ADAMTS9: variants seen among roughly 807,000 people sequenced by gnomAD.
The protein encoded by ADAMTS9 is A disintegrin and metalloproteinase with thrombospondin motifs 9.
In ADAMTS9, 107 loss-of-function variants were observed where a neutral mutation model predicts 257.1. The ratio of observed to expected loss-of-function variants is 0.42; its 90% CI spans 0.36 to 0.49. The LOEUF (loss-of-function observed/expected upper bound fraction) is 0.49, where lower values mean the gene tolerates loss of function less well. Among genes scored for constraint, ADAMTS9 ranks in the 20% least tolerant of loss-of-function variants. ADAMTS9 has a pLI of 0.03. For missense variants in ADAMTS9, 2,353 were observed against 2,469.1 expected (o/e 0.95, Z 1.00); for synonymous variants, 982 against 880.9 (o/e 1.11, Z -2.03).
intron 26 of ADAMTS9, among the ~76,000 whole-genome samples, chr3:64,601,377 G>A (rs1238798421): frequency 6.6e-6 from 1 of 152,136 alleles, no homozygotes; most frequent in Non-Finnish European, 1.5e-5. Context: ...GTAAGTCATT[G>A]GATCAAACCT....
chr3:64,637,075 T>A (rs1042338091), intron 12 of ADAMTS9, among the ~76,000 whole-genome samples: 11 of 152,180 alleles, frequency 7.2e-5, no homozygotes, highest in African/African-American at 2.7e-4. Flanking sequence ...TGCTTTTATG[T>A]AAAGGCAGGT....
intron 3 of ADAMTS9, among the ~76,000 whole-genome samples, chr3:64,660,962 A>T (rs1175826672): frequency 6.6e-6 from 1 of 152,186 alleles, no homozygotes; most frequent in Non-Finnish European, 1.5e-5. Context: ...TACAGTGCGC[A>T]ATCAGTTTAT....
chr3:64,616,657 T>G (rs1282933964), intron 19 of ADAMTS9, among the ~76,000 whole-genome samples: 1 of 152,210 alleles, frequency 6.6e-6, no homozygotes, highest in African/African-American at 2.4e-5. Flanking sequence ...AGGTATTCAG[T>G]GTGTGCTGGC....
At position 64,615,504 on chromosome 3, in the gene ADAMTS9, T is replaced by C. The variant is rs891078422; in HGVS notation, c.3025-19A>G. On this transcript the variant is annotated intron_variant, in intron 20 of 39. Coordinates refer to ENST00000498707, the MANE Select transcript of ADAMTS9 (RefSeq NM_182920.2). The stretch of plus-strand genomic sequence containing the variant: ...TTGAACACTGTAGGGACAAAATAAA[T>C]AAATAAAACTGTTGCTAAGTTTCTT... 6.3e-7 allele frequency: 1 copy of C among 1,589,086 alleles called. No individual in the cohort carries two copies. Among genetic ancestry groups the C allele is most frequent in the Non-Finnish European group, 8.5e-7 (1 of 1,170,374 alleles).
chr3:64,618,303 T>C (rs1700016096), intron 19 of ADAMTS9, among the ~76,000 whole-genome samples: 1 of 152,226 alleles, frequency 6.6e-6, no homozygotes, highest in African/African-American at 2.4e-5. Context: ...CATTGGCCTA[T>C]GATCTGACGT....
intron 16 of ADAMTS9, among the ~76,000 whole-genome samples, chr3:64,629,783 ATAAG>A (rs1335681493): frequency 6.6e-6 from 1 of 152,216 alleles, no homozygotes; most frequent in Non-Finnish European, 1.5e-5. Context: ...CACATATTAA[ATAAG>A]TGAGTGAGTG....
chr3:64,652,288 T>C (rs554105083), intron 8 of ADAMTS9, among the ~76,000 whole-genome samples: 1 of 152,330 alleles, frequency 6.6e-6, no homozygotes, highest in African/African-American at 2.4e-5. Context: ...TTTTCCCTTT[T>C]TCTTTAAAGT....
In ADAMTS9 at chr3:64,681,236, T is replaced by C. The variant is rs1417433718; in HGVS notation, c.644A>G (p.Glu215Gly). Residue 215 changes from glutamate (E) to glycine (G), a missense_variant, in exon 3 of 40, where the codon GAG (glutamate) becomes GGG (glycine). Transcript: ENST00000498707. ...IIYRRSAPQR[E>G]PSTGRHACDT... The stretch of plus-strand genomic sequence containing the variant: ...ACATGCATGCCTTCCTGTTGAGGGC[T>C]CTCTCTGGGGGGCGCTGCGCCTATA... 1.2e-6 allele frequency: 2 copies of C among 1,613,700 alleles called. No homozygotes were observed. The highest frequency in any genetic ancestry group is 1.1e-5 in the South Asian group (1 of 90,976).
At chr3:64,615,928 C>A in intron 20 of ADAMTS9, 32 bp downstream of exon 20, 1 of 1,611,272 alleles carries the variant, frequency 6.2e-7, no homozygotes, top group Non-Finnish European at 8.5e-7. Flanking sequence ...AGACAGCATC[C>A]AAGAAGACTC....
chr3:64,570,350 G>T (rs1378038075), intron 28 of ADAMTS9, among the ~76,000 whole-genome samples: 1 of 152,160 alleles, frequency 6.6e-6, no homozygotes, highest in Non-Finnish European at 1.5e-5. Flanking sequence ...GGCTGGAATG[G>T]TTGGAAGAGG....
chr3:64,669,528 A>C (rs951224857), intron 3 of ADAMTS9, among the ~76,000 whole-genome samples: 1 of 152,204 alleles, frequency 6.6e-6, no homozygotes, highest in African/African-American at 2.4e-5. Context: ...CTGGAATAGA[A>C]GTTCTCTCTA....
At chr3:64,639,721 T>C (rs183785805) in intron 12 of ADAMTS9, among the ~76,000 whole-genome samples, 107 of 152,310 alleles carry the variant, frequency 7.0e-4, no homozygotes, top group African/African-American at 2.4e-3. Flanking sequence ...CAAATAGTTT[T>C]TAATATGTAA....
At chr3:64,639,505 T>C (rs1376378833) in intron 12 of ADAMTS9, among the ~76,000 whole-genome samples, 2 of 151,932 alleles carry the variant, frequency 1.3e-5, no homozygotes, top group South Asian at 4.2e-4. Flanking sequence ...ACGGAGTGAT[T>C]TATCTCTCTC....
chr3:64,650,933 C>A, intron 9 of ADAMTS9, 84 bp downstream of exon 9: 4 of 1,237,180 alleles, frequency 3.2e-6, no homozygotes, highest in Non-Finnish European at 4.4e-6. Context: ...GAATGTTTGA[C>A]TTCATATTGT....
In ADAMTS9 at chr3:64,594,269, G is replaced by T. The variant is rs1019640310; in HGVS notation, c.4345C>A (p.Pro1449Thr). The change falls in exon 28 of 40, where the codon CCT (proline) becomes ACT (threonine). Residue 1449 changes from proline (P) to threonine (T), a missense_variant. Physicochemically the swap from Pro to Thr is conservative, Grantham distance 38. Coordinates refer to ENST00000498707, the MANE Select transcript of ADAMTS9 (RefSeq NM_182920.2). ...AGTTAGGGCCGTACCGAGCTCCAAG[G>T]GCCAGTACTCCATGCAGCGTCGTGT... The part of the protein sequence containing the change: ...CPHDAAWSTG[P>T]WSSCSVSCGR... 2 of 1,613,694 alleles carry T rather than the reference G, an allele frequency of 1.2e-6. No individual in the cohort carries two copies. Among genetic ancestry groups the T allele is most frequent in the East Asian group, 4.5e-5 (2 of 44,848 alleles).
rs1056282526 is a variant in ADAMTS9 at position 64,551,178 on chromosome 3, G to A, written c.4699-116C>T. On this transcript the variant is annotated intron_variant, in intron 30 of 39. Coordinates refer to ENST00000498707, the MANE Select transcript of ADAMTS9 (RefSeq NM_182920.2). ...AGATCATAAGAGCCCTGAGGGCAGG[G>A]ATTGCCAGAGAACTTCTCGTTTTTT... is the stretch of plus-strand genomic sequence containing the variant. 1.5e-5 allele frequency: 18 copies of A among 1,189,840 alleles called. No homozygotes were observed. In the Admixed American group the frequency reaches 2.5e-4, roughly 17 times the overall value. 73.7% of individuals were successfully genotyped at this position (1,189,840 alleles called of 1,614,324 possible).
intron 4 of ADAMTS9, among the ~76,000 whole-genome samples, chr3:64,657,272 A>C (rs1194083312): frequency 6.6e-6 from 1 of 152,230 alleles, no homozygotes; most frequent in African/African-American, 2.4e-5. Flanking sequence ...GAAATATCTC[A>C]TTAATAATTT....
intron 27 of ADAMTS9, among the ~76,000 whole-genome samples, chr3:64,596,102 C>T (rs1429718890): frequency 2.6e-5 from 4 of 152,218 alleles, no homozygotes; most frequent in Non-Finnish European, 5.9e-5. Flanking sequence ...TTGATAGATA[C>T]TACCTCATAT....
intron 12 of ADAMTS9, among the ~76,000 whole-genome samples, chr3:64,639,602 C>G (rs1386318557): frequency 6.6e-6 from 1 of 152,082 alleles, no homozygotes; most frequent in Admixed American, 6.6e-5. Flanking sequence ...AATGGAATAT[C>G]CTTGAGTCAA....
Sources: allele counts gnomAD v4.1 joint callset (sites outside exome capture counted in the v4.1 genomes callset), GRCh38; gene constraint gnomAD v4.1.1; transcripts MANE v1.5; gene names NCBI Gene and HGNC (gene_info 2026-07-23, HGNC 2026-07-21).